Variants in CUX1 observed in about 807,000 individuals in gnomAD.
CUX1 encodes protein CASP.
Under a neutral mutation model 158.8 loss-of-function variants are expected in CUX1, and 31 were observed. The ratio of observed to expected loss-of-function variants is 0.20; its 90% CI spans 0.15 to 0.26. The LOEUF (loss-of-function observed/expected upper bound fraction) is 0.26, where lower values mean the gene tolerates loss of function less well. Ranked by LOEUF, CUX1 falls within the 10% of genes least tolerant of loss-of-function variation. The pLI is 1.00. For synonymous variants in CUX1, 879 were observed against 862.1 expected, an observed-to-expected ratio of 1.02 and a Z score of -0.34; for missense variants, 1,589 against 2,014.6, an observed-to-expected ratio of 0.79 and a Z score of 4.04.
intron 4 of CUX1, among the ~76,000 whole-genome samples, chr7:102,092,912 CAAAAAA>C (rs60587564): frequency 5.3e-5 from 4 of 74,956 alleles, no homozygotes; most frequent in Admixed American, 1.6e-4. Context: ...GACTCCGTCT[CAAAAAA>C]AAAAAAAAAA....
At chr7:101,861,551 CT>C (rs1204645138) in intron 1 of CUX1, among the ~76,000 whole-genome samples, 1 of 134,562 alleles carries the variant, frequency 7.4e-6, no homozygotes, top group African/African-American at 2.8e-5. Flanking sequence ...CTGGGTGCCC[CT>C]GTCTACTGAG....
chr7:102,209,157 C>T (rs1796266813), intron 20 of CUX1, among the ~76,000 whole-genome samples: 1 of 152,212 alleles, frequency 6.6e-6, no homozygotes, highest in African/African-American at 2.4e-5. Flanking sequence ...CTGAGAGCTC[C>T]CGTCAGCCTT....
chr7:101,984,113 T>TACAC (rs1813912620), intron 2 of CUX1, among the ~76,000 whole-genome samples: 1 of 70,586 alleles, frequency 1.4e-5, no homozygotes, highest in African/African-American at 6.7e-5. Flanking sequence ...TATATATATA[T>TACAC]ATATATATAT....
intron 1 of CUX1, among the ~76,000 whole-genome samples, chr7:101,850,693 C>T (rs372972984): frequency 2.8e-4 from 43 of 152,218 alleles, no homozygotes; most frequent in African/African-American, 9.9e-4. Context: ...CCCTGGTTTT[C>T]TAAGTAGCAG....
intron 8 of CUX1, among the ~76,000 whole-genome samples, chr7:102,147,127 T>C (rs782565218): frequency 1.1e-4 from 17 of 152,074 alleles, no homozygotes; most frequent in African/African-American, 3.1e-4. Context: ...AGGCCTTTGA[T>C]TGGGGAGGGG....
intron 11 of CUX1, among the ~76,000 whole-genome samples, chr7:102,178,965 A>C (rs1381332634): frequency 4.6e-5 from 7 of 152,286 alleles, no homozygotes; most frequent in Non-Finnish European, 8.8e-5. Flanking sequence ...CCCAGGTTCA[A>C]GTGATTCTCC....
chr7:101,927,943 C>T (rs1020126530), intron 2 of CUX1, among the ~76,000 whole-genome samples: 2 of 152,178 alleles, frequency 1.3e-5, no homozygotes, highest in African/African-American at 2.4e-5. Context: ...TCAGGACGGC[C>T]GCTTTGTCTG....
At chr7:102,061,810 A>G (rs1464343970) in intron 3 of CUX1, among the ~76,000 whole-genome samples, 1 of 152,192 alleles carries the variant, frequency 6.6e-6, no homozygotes, top group Non-Finnish European at 1.5e-5. Flanking sequence ...TGAGGCGGGT[A>G]GATCACTTGA....
chr7:101,886,180 C>G (rs866751381), intron 1 of CUX1, among the ~76,000 whole-genome samples: 5 of 152,202 alleles, frequency 3.3e-5, no homozygotes, highest in African/African-American at 9.6e-5. Flanking sequence ...ACAGGGTCTG[C>G]CTTCCATAGG....
intron 19 of CUX1, 111 bp from the exon 20 acceptor site, chr7:102,205,003 C>G (rs1795804756): frequency 4.0e-6 from 3 of 757,602 alleles, no homozygotes; most frequent in Non-Finnish European, 6.7e-6. Flanking sequence ...CCCATGCCCG[C>G]CCCTCCCCAG....
intron 10 of CUX1, among the ~76,000 whole-genome samples, chr7:102,173,933 A>G (rs782540226): frequency 6.6e-6 from 1 of 152,070 alleles, no homozygotes; most frequent in African/African-American, 2.4e-5. Context: ...GGGCCAGCGG[A>G]AAAATGGTCT....
intron 8 of CUX1, among the ~76,000 whole-genome samples, chr7:102,143,064 G>A (rs544380155): frequency 2.4e-4 from 36 of 152,300 alleles, no homozygotes; most frequent in Admixed American, 3.9e-4. Context: ...TGTTGCCTGC[G>A]TCTTTGTAAC....
At chr7:102,015,395 T>C (rs1818472641) in intron 2 of CUX1, among the ~76,000 whole-genome samples, 1 of 151,998 alleles carries the variant, frequency 6.6e-6, no homozygotes, top group Admixed American at 6.6e-5. Flanking sequence ...GCCCAGCTAA[T>C]TTTTGTATTT....
At chr7:101,969,522 G>A (rs1811674501) in intron 2 of CUX1, among the ~76,000 whole-genome samples, 1 of 152,156 alleles carries the variant, frequency 6.6e-6, no homozygotes, top group Admixed American at 6.5e-5. Context: ...GGATCCTCAT[G>A]AAAGAGAAGA....
intron 2 of CUX1, among the ~76,000 whole-genome samples, chr7:101,948,223 T>C (rs913854786): frequency 6.6e-6 from 1 of 152,214 alleles, no homozygotes; most frequent in African/African-American, 2.4e-5. Flanking sequence ...AATTACCATT[T>C]TTGTCCTATT....
At chr7:102,021,716 C>T (rs1231780769) in intron 2 of CUX1, among the ~76,000 whole-genome samples, 1 of 150,562 alleles carries the variant, frequency 6.6e-6, no homozygotes, top group Non-Finnish European at 1.5e-5. Flanking sequence ...CACCACCATG[C>T]CCACCTAATT....
At chr7:101,879,971 TG>T (rs1208463064) in intron 1 of CUX1, among the ~76,000 whole-genome samples, 14 of 152,128 alleles carry the variant, frequency 9.2e-5, no homozygotes, top group African/African-American at 2.4e-5. Flanking sequence ...ACTGGGTCTG[TG>T]GCAGAGAAAG....
intron 3 of CUX1, among the ~76,000 whole-genome samples, chr7:102,028,896 A>G (rs1820382415): frequency 6.6e-6 from 1 of 152,112 alleles, no homozygotes; most frequent in Non-Finnish European, 1.5e-5. Context: ...CCGACGGAAA[A>G]ACAGAAAGTG....
Position 102,113,940 on chromosome 7 carries a change from C to T in CUX1, c.608-1267C>T, listed in dbSNP as rs117275902. Among the ~76,000 whole-genome samples the T allele has an allele frequency of 7.9e-5, 12 of 152,244 alleles. No individual in the cohort carries two copies. The East Asian group carries it at 1.2e-3, about 15-fold the overall frequency. The stretch of plus-strand genomic sequence containing the variant: ...TTATTGAAACATCCAGTGTTGGTGA[C>T]GGTGAAGTGGCACTTATGGAATGGA... On this transcript the variant is annotated intron_variant, in intron 7 of 23. Coordinates refer to ENST00000292535, the MANE Select transcript of CUX1 (RefSeq NM_181552.4).
Sources: gnomAD v4.1 joint callset for allele counts (sites outside exome capture counted in the v4.1 genomes callset) on GRCh38, gnomAD v4.1.1 for gene constraint, MANE v1.5 for transcripts, NCBI Gene and HGNC (gene_info 2026-07-23, HGNC 2026-07-21) for gene names.